The following DRC7 variants were observed in gnomAD, a reference collection of about 807,000 sequenced individuals.
DRC7 encodes the protein dynein regulatory complex subunit 7, also known as coiled-coil domain containing 135.
A neutral mutation model predicts 104.4 loss-of-function variants in DRC7; 80 were observed. The observed-to-expected ratio is 0.77, with a 90% CI of 0.64 to 0.92. DRC7 has a LOEUF of 0.92. DRC7 is among the 40% of genes least tolerant of loss of function. The pLI is 0.00. For synonymous variants in DRC7, 405 were observed against 447.3 expected (o/e 0.91, Z 1.19); for missense variants, 1,034 against 1,141.1 (o/e 0.91, Z 1.35).
intron 11 of DRC7, 38 bp downstream of exon 11, chr16:57,722,879 C>T: frequency 6.2e-7 from 1 of 1,612,808 alleles, no homozygotes; most frequent in Non-Finnish European, 8.5e-7. Context: ...CCAGGCCAGC[C>T]CAGGGGCGGG....
chr16:57,698,057 G>T lies in DRC7; in HGVS notation c.108G>T (p.Glu36Asp). Residue 36 changes from glutamate (E) to aspartate (D), a missense_variant, in exon 3 of 19, where the codon GAG (glutamate) becomes GAT (aspartate). Physicochemically the swap from Glu to Asp is conservative, Grantham distance 45. Coordinates refer to ENST00000360716, the MANE Select transcript of DRC7 (RefSeq NM_001289162.2). ...ARMEKMMRPVEVRKEEITLKQ... is the reference protein window; with the variant it reads ...ARMEKMMRPVDVRKEEITLKQ... ...TGGAGAAAATGATGAGGCCAGTTGA[G>T]GTGCGGAAGGAGGAAATCACCTTAA... 6.2e-7 allele frequency: 1 copy of T among 1,614,154 alleles called. No homozygotes were observed. Among genetic ancestry groups the T allele is most frequent in the African/African-American group, 1.3e-5 (1 of 75,054 alleles).
rs114194720 is a variant in DRC7 at position 57,725,835 on chromosome 16, A to G, written c.1759-233A>G. On this transcript the variant is annotated intron_variant, in intron 13 of 18. Coordinates refer to ENST00000360716, the MANE Select transcript of DRC7 (RefSeq NM_001289162.2). ...TCCCCATCTCTTGAGGTAGGCAAGC[A>G]GAGTCTTGAAGGAGCTGAGGAGGGG... is the stretch of plus-strand genomic sequence containing the variant. 1,774 of 531,698 alleles carry G rather than the reference A, an allele frequency of 3.3e-3. 35 individuals are homozygous for G. The highest frequency in any genetic ancestry group is 0.029 in the African/African-American group (1,543 of 52,718). 32.9% of individuals were successfully genotyped at this position (531,698 alleles called of 1,614,324 possible). A position where few individuals can be genotyped will look rare whatever the true frequency, so the allele number is the denominator to read the frequency against.
chr16:57,722,053 C>G (rs1185550034), intron 10 of DRC7, among the ~76,000 whole-genome samples: 4 of 152,314 alleles, frequency 2.6e-5, no homozygotes, highest in East Asian at 1.9e-4. Context: ...ACTCTTCTAC[C>G]CAGAGGAGGC....
At chr16:57,722,625 G>C (rs1212495179) in intron 10 of DRC7, 88 bp from the exon 11 acceptor site, 5 of 1,551,858 alleles carry the variant, frequency 3.2e-6, no homozygotes, top group African/African-American at 1.4e-5. Flanking sequence ...CACAGAGAAC[G>C]GGCAGTGGAT....
intron 17 of DRC7, among the ~76,000 whole-genome samples, 173 bp from the exon 18 acceptor site, chr16:57,730,758 A>G (rs540435118): frequency 1.1e-3 from 160 of 152,178 alleles, no homozygotes; most frequent in Middle Eastern, 3.4e-3. Flanking sequence ...CTCCCACCCA[A>G]GATATTTTGT....
chr16:57,726,628 A>C (rs2048969809), intron 14 of DRC7: 2 of 559,454 alleles, frequency 3.6e-6, no homozygotes, highest in Middle Eastern at 4.7e-4. Context: ...CTCTCCCGGC[A>C]CAGTCCCCAG....
intron 2 of DRC7, 69 bp from the exon 3 acceptor site, chr16:57,697,844 C>T (rs763710546): frequency 6.6e-7 from 1 of 1,511,828 alleles, no homozygotes; most frequent in Non-Finnish European, 8.8e-7. Context: ...CCGGGGATGC[C>T]CAGATGGTGT....
rs1356100963 is a variant in DRC7, at chr16:57,700,148, T to C, written c.382T>C (p.Phe128Leu). The change falls in exon 5 of 19, where the codon TTC (phenylalanine) becomes CTC (leucine). Residue 128 changes from phenylalanine to leucine, a missense_variant. Transcript: ENST00000360716. The stretch of plus-strand genomic sequence containing the variant: ...GGCACCATCTCTCTCCTTGCAGAAG[T>C]TCGTGAGCACAACCCTCCGGCCCAC... ...HPLNECEVPK[F>L]VSTTLRPTLM... The C allele has an allele frequency of 2.5e-6, 4 of 1,613,642 alleles. No individual in the cohort carries two copies. The highest frequency in any genetic ancestry group is 1.7e-5 in the Admixed American group (1 of 60,018).
intron 3 of DRC7, among the ~76,000 whole-genome samples, chr16:57,698,580 C>G (rs769086097): frequency 6.6e-6 from 1 of 152,116 alleles, no homozygotes; most frequent in Non-Finnish European, 1.5e-5. Context: ...GTCCCAGCTA[C>G]TTGGGAGGCT....
chr16:57,728,731 T>C (rs2148775051), intron 17 of DRC7, 147 bp downstream of exon 17: 2 of 579,058 alleles, frequency 3.5e-6, no homozygotes, highest in Non-Finnish European at 5.7e-6. Context: ...TCCAAATGAC[T>C]GAGTTGTTCC....
intron 9 of DRC7, 72 bp downstream of exon 9, chr16:57,718,547 C>T: frequency 6.4e-7 from 1 of 1,569,294 alleles, no homozygotes; most frequent in Non-Finnish European, 8.7e-7. Flanking sequence ...GTGTCCCCAG[C>T]AGCATATGTG....
chr16:57,700,411 G>T (rs2048645091), intron 5 of DRC7, 141 bp downstream of exon 5: 1 of 1,047,542 alleles, frequency 9.5e-7, no homozygotes, highest in African/African-American at 1.6e-5. Context: ...CATTTTGGGA[G>T]GCCAAGGCGG....
chr16:57,730,813 T>A (rs2049053229), intron 17 of DRC7, 118 bp from the exon 18 acceptor site: 1 of 1,087,440 alleles, frequency 9.2e-7, no homozygotes, highest in African/African-American at 1.6e-5. Context: ...CTTGTGTGAG[T>A]GGGGACACTG....
intron 6 of DRC7, 75 bp from the exon 7 acceptor site, chr16:57,704,801 G>T: frequency 6.4e-7 from 1 of 1,555,040 alleles, no homozygotes. Context: ...GGCTGGGCGG[G>T]TCTCACCTCT....
chr16:57,724,710 C>G lies in DRC7; in HGVS notation c.1633C>G (p.Pro545Ala), dbSNP rs779579788. 1.9e-6 allele frequency: 3 copies of G among 1,613,882 alleles called. No individual in the cohort carries two copies. The highest frequency in any genetic ancestry group is 2.5e-6 in the Non-Finnish European group (3 of 1,179,988). The change falls in exon 13 of 19, where the codon CCC (proline) becomes GCC (alanine). Residue 545 changes from proline to alanine, a missense_variant. By Grantham distance (27) the Pro-to-Ala change is conservative (BLOSUM62 -1). Transcript: ENST00000360716. ...TGGCCTGATGAAGCGGGAGGAGACACCCAGGACAATGACAGAGTACTATCA... is the reference window on the plus strand; with the variant it reads ...TGGCCTGATGAAGCGGGAGGAGACAGCCAGGACAATGACAGAGTACTATCA... ...VDGLMKREET[P>A]RTMTEYYQGR...
intron 9 of DRC7, 40 bp downstream of exon 9, chr16:57,718,515 A>T: frequency 6.2e-7 from 1 of 1,609,338 alleles, no homozygotes; most frequent in Non-Finnish European, 8.5e-7. Context: ...AATGTGTGTG[A>T]AGGCTTCAGG....
rs115428328 is a variant in DRC7 at position 57,721,734 on chromosome 16, C to T, written c.1274C>T (p.Pro425Leu). The change falls in exon 10 of 19, where the codon CCG (proline) becomes CTG (leucine). Residue 425 changes from proline (P) to leucine (L), a missense_variant. Pro to Leu is a moderately conservative substitution (Grantham distance 98, BLOSUM62 -3). Coordinates refer to ENST00000360716, the MANE Select transcript of DRC7 (RefSeq NM_001289162.2). The part of the protein sequence containing the change: ...HSWVEQIEIS[P>L]EAFETRCPNG... ...TGGGTGGAGCAGATTGAGATCTCCC[C>T]GGAAGGTATTTTCTATTTGTGTATT... 31 of 1,612,926 alleles carry T rather than the reference C, an allele frequency of 1.9e-5. No homozygotes were observed. Among genetic ancestry groups the T allele is most frequent in the East Asian group, 1.1e-4 (5 of 44,860 alleles).
chr16:57,730,289 G>A (rs1267046224), intron 17 of DRC7, among the ~76,000 whole-genome samples: 2 of 127,742 alleles, frequency 1.6e-5, no homozygotes, highest in East Asian at 2.5e-4. Flanking sequence ...GAGTGGGTGG[G>A]TGGATGGGTG....
At position 57,695,467 on chromosome 16, in the gene DRC7, G is replaced by A. The variant is rs375576253; in HGVS notation, c.-169+615G>A. On this transcript the variant is annotated intron_variant, in intron 1 of 18. Transcript: ENST00000360716. ...GTAGAGGATAAGTGAGATGATCTCC[G>A]TACAACCCTCAGCACAGGTCTGACA... Among the ~76,000 whole-genome samples the A allele has an allele frequency of 2.7e-4, 41 of 152,266 alleles. 1 individual carries two copies. In the East Asian group the frequency reaches 4.8e-3, roughly 18 times the overall value.
Sources: allele counts gnomAD v4.1 joint callset (sites outside exome capture counted in the v4.1 genomes callset), GRCh38; gene constraint gnomAD v4.1.1; transcripts MANE v1.5; gene names NCBI Gene and HGNC (gene_info 2026-07-23, HGNC 2026-07-21).